The following DENND2C variants were observed in gnomAD, a reference collection of about 807,000 sequenced individuals.
DENND2C encodes DENN domain containing 2C.
A neutral mutation model predicts 112.4 loss-of-function variants in DENND2C; 72 were observed. The observed-to-expected ratio is 0.64, with a 90% CI of 0.53 to 0.78. The LOEUF (loss-of-function observed/expected upper bound fraction) is 0.78, where lower values mean the gene tolerates loss of function less well. DENND2C is among the 30% of genes least tolerant of loss of function. The pLI is 0.00. For synonymous variants in DENND2C, 329 were observed against 381.6 expected (o/e 0.86, Z 1.61); for missense variants, 992 against 1,113.8 (o/e 0.89, Z 1.56).
At chr1:114,664,490 T>C (rs1222672307) in intron 1 of DENND2C, among the ~76,000 whole-genome samples, 1 of 151,908 alleles carries the variant, frequency 6.6e-6, no homozygotes, top group Non-Finnish European at 1.5e-5. Flanking sequence ...TATTTAAATT[T>C]TTTTGAGATG....
At chr1:114,633,203 T>C (rs1021687831) in intron 3 of DENND2C, among the ~76,000 whole-genome samples, 2 of 148,824 alleles carry the variant, frequency 1.3e-5, no homozygotes, top group African/African-American at 5.2e-5. Context: ...TCCCAGCACT[T>C]TGGGAGGCAG....
chr1:114,610,202 A>T (rs1655773170), intron 9 of DENND2C, among the ~76,000 whole-genome samples: 1 of 152,236 alleles, frequency 6.6e-6, no homozygotes, highest in Admixed American at 6.5e-5. Context: ...ACTAGAAAGC[A>T]TCATCGTTAG....
At chr1:114,632,348 A>AGGAAAACCATAACCAAGTTGC (rs1355539477) in intron 3 of DENND2C, among the ~76,000 whole-genome samples, 2 of 152,212 alleles carry the variant, frequency 1.3e-5, no homozygotes, top group East Asian at 3.8e-4. Context: ...GAAAGCCACA[A>AGGAAAACCATAACCAAGTTGC]GGAAAACCAT....
chr1:114,633,249 G>A (rs1488500315), intron 3 of DENND2C, among the ~76,000 whole-genome samples: 7 of 151,500 alleles, frequency 4.6e-5, no homozygotes, highest in East Asian at 1.9e-4. Context: ...GTTCAAAATC[G>A]GCCTGGCCAA....
chr1:114,636,219 A>G (rs769365281), intron 3 of DENND2C, among the ~76,000 whole-genome samples: 8 of 152,236 alleles, frequency 5.3e-5, no homozygotes, highest in Non-Finnish European at 7.4e-5. Flanking sequence ...AATCGGAAAT[A>G]GAAGAGAATT....
chr1:114,650,591 G>T (rs1291910915), intron 2 of DENND2C, among the ~76,000 whole-genome samples: 1 of 139,044 alleles, frequency 7.2e-6, no homozygotes, highest in South Asian at 2.3e-4. Flanking sequence ...GGAGAATGGC[G>T]CAAACCCAGG....
chr1:114,623,773 T>C, intron 4 of DENND2C, 130 bp from the exon 5 acceptor site: 1 of 853,374 alleles, frequency 1.2e-6, no homozygotes, highest in Middle Eastern at 3.8e-4. Flanking sequence ...TCTCAGTCTG[T>C]TGCATAGGCT....
chr1:114,623,236 T>C (rs1656215857), intron 5 of DENND2C, 137 bp from the exon 6 acceptor site: 2 of 784,772 alleles, frequency 2.5e-6, no homozygotes, highest in Admixed American at 3.1e-5. Context: ...GGTTTCCAGA[T>C]CAACAGCAAT....
chr1:114,618,959 AAG>A (rs960994588), intron 7 of DENND2C, among the ~76,000 whole-genome samples: 3 of 152,248 alleles, frequency 2.0e-5, no homozygotes, highest in African/African-American at 7.2e-5. Context: ...GGAATATTCT[AAG>A]AGTACTAACA....
At chr1:114,646,213 C>T (rs1656983173) in intron 2 of DENND2C, among the ~76,000 whole-genome samples, 1 of 152,088 alleles carries the variant, frequency 6.6e-6, no homozygotes, top group Non-Finnish European at 1.5e-5. Context: ...AGGTGTGAGC[C>T]ACTGCGCCCG....
intron 11 of DENND2C, among the ~76,000 whole-genome samples, chr1:114,603,690 A>G (rs893018087): frequency 6.6e-6 from 1 of 151,618 alleles, no homozygotes; most frequent in Non-Finnish European, 1.5e-5. Flanking sequence ...ACTGCACACC[A>G]CCGTGTCTGG....
chr1:114,640,067 A>T (rs1656781466), intron 3 of DENND2C, among the ~76,000 whole-genome samples: 1 of 152,240 alleles, frequency 6.6e-6, no homozygotes, highest in Non-Finnish European at 1.5e-5. Context: ...AGGACACAGC[A>T]GATAATTCCT....
At chr1:114,655,398 G>A (rs566577967) in intron 1 of DENND2C, among the ~76,000 whole-genome samples, 41 of 152,222 alleles carry the variant, frequency 2.7e-4, no homozygotes, top group Admixed American at 1.4e-3. Context: ...AAAACTAAGA[G>A]CGCATTCCTG....
chr1:114,642,588 G>C (rs558673586), intron 3 of DENND2C, among the ~76,000 whole-genome samples: 3 of 152,120 alleles, frequency 2.0e-5, no homozygotes, highest in Non-Finnish European at 1.5e-5. Flanking sequence ...ATATGAGCCA[G>C]GCATAGCTCT....
intron 10 of DENND2C, among the ~76,000 whole-genome samples, chr1:114,605,887 G>T (rs1337734847): frequency 6.6e-6 from 1 of 152,102 alleles, no homozygotes; most frequent in Non-Finnish European, 1.5e-5. Flanking sequence ...TTGCTGGTTT[G>T]GAACTTCTTG....
chr1:114,625,835 A>G lies in DENND2C; in HGVS notation c.150T>C (p.Tyr50=). ...KWCPKDFGVR[Y]NCHQEIRLKK... ...TAAGACGGATCTCTTGGTGACAGTT[A>G]TATCTCACTCCAAAGTCCTTTGGAC... Residue 50 remains tyrosine, a synonymous_variant, in exon 4 of 21, where the codon TAT becomes TAC. Coordinates refer to ENST00000393274, the MANE Select transcript of DENND2C (RefSeq NM_001256404.2). 6.2e-7 allele frequency: 1 copy of G among 1,614,078 alleles called. No homozygotes were observed. Among genetic ancestry groups the G allele is most frequent in the East Asian group, 2.2e-5 (1 of 44,856 alleles).
At chr1:114,618,337 C>T in intron 8 of DENND2C, 49 bp downstream of exon 8, 2 of 1,357,442 alleles carry the variant, frequency 1.5e-6, no homozygotes, top group Non-Finnish European at 2.0e-6. Flanking sequence ...TGATTCTCCT[C>T]TCATATCCTG....
intron 10 of DENND2C, among the ~76,000 whole-genome samples, chr1:114,608,255 C>A (rs1489778605): frequency 6.6e-6 from 1 of 150,918 alleles, no homozygotes; most frequent in East Asian, 1.9e-4. Flanking sequence ...GGCAACAGAG[C>A]AAGACTCCAT....
intron 3 of DENND2C, among the ~76,000 whole-genome samples, chr1:114,638,564 GC>G (rs1441580582): frequency 3.3e-5 from 5 of 152,086 alleles, no homozygotes; most frequent in African/African-American, 1.2e-4. Flanking sequence ...TCTGAGACCA[GC>G]CCTGGCAACA....
Sources: allele counts gnomAD v4.1 joint callset (sites outside exome capture counted in the v4.1 genomes callset), GRCh38; gene constraint gnomAD v4.1.1; transcripts MANE v1.5; gene names NCBI Gene and HGNC (gene_info 2026-07-23, HGNC 2026-07-21).